WNT16: variants seen among roughly 807,000 people sequenced by gnomAD.
WNT16 encodes the protein protein Wnt-16.
In WNT16, 20 loss-of-function variants were observed where a neutral mutation model predicts 35.4. The ratio of observed to expected loss-of-function variants is 0.56; its 90% CI spans 0.40 to 0.82. The LOEUF is 0.82. Ranked by LOEUF, WNT16 falls within the 40% of genes least tolerant of loss-of-function variation. WNT16 has a pLI of 0.00. For synonymous variants in WNT16, 180 were observed against 179.2 expected (o/e 1.00, Z -0.03); for missense variants, 461 against 466.0 (o/e 0.99, Z 0.10).
upstream of WNT16, chr7:121,325,401 G>A (rs780295870): frequency 6.2e-7 from 1 of 1,600,170 alleles, no homozygotes; most frequent in Non-Finnish European, 8.5e-7. Context: ...AAGCCAGAAA[G>A]ATGGAAAGGC....
rs116194910 is a variant in WNT16, at chr7:121,329,732, C to T, written c.261C>T (p.His87=). ...AGGAGTGCGGGAGCCAGTTCAGACA[C>T]GAGAGATGGAACTGCATGATCACCG... The part of the protein sequence containing the change: ...GIQECGSQFR[H]ERWNCMITAA... Residue 87 remains histidine (H), a synonymous_variant, in exon 2 of 4, where the codon CAC becomes CAT. Transcript: ENST00000222462. The T allele has an allele frequency of 3.7e-6, 6 of 1,612,166 alleles. No homozygotes were observed. Among genetic ancestry groups the T allele is most frequent in the African/African-American group, 2.7e-5 (2 of 75,062 alleles).
upstream of WNT16, among the ~76,000 whole-genome samples, chr7:121,325,877 C>T (rs1425849379): frequency 6.6e-6 from 1 of 151,458 alleles, no homozygotes; most frequent in Non-Finnish European, 1.5e-5. Flanking sequence ...CCTGTCTCTA[C>T]ACAAAATAAA....
rs142047789 is a variant in WNT16, at chr7:121,330,578, A to C, written c.346+761A>C. 2.9e-3 allele frequency among the ~76,000 whole-genome samples: 441 copies of C among 152,070 alleles called. 4 individuals are homozygous for C. The highest frequency in any genetic ancestry group is 9.6e-3 in the African/African-American group (398 of 41,474). On this transcript the variant is annotated intron_variant, in intron 2 of 3. Coordinates refer to ENST00000222462, the MANE Select transcript of WNT16 (RefSeq NM_057168.2). ...GCTGAAGGATGCGCTGTCGTTTTTC[A>C]TGTTCATTTCCGTTCCCCCTCCGCC...
chr7:121,327,419 C>T (rs1471131713), upstream of WNT16, among the ~76,000 whole-genome samples: 2 of 142,016 alleles, frequency 1.4e-5, no homozygotes, highest in Non-Finnish European at 3.0e-5. Context: ...GGCGCTATCT[C>T]AACTCACTGC....
upstream of WNT16, chr7:121,328,964 A>G: frequency 9.8e-7 from 1 of 1,015,996 alleles, no homozygotes; most frequent in Non-Finnish European, 1.2e-6. Flanking sequence ...AGGAGATGGG[A>G]GGAGAGGCCG....
chr7:121,325,464 C>T (rs763856555), upstream of WNT16: 1 of 1,613,534 alleles, frequency 6.2e-7, no homozygotes, highest in South Asian at 1.1e-5. Context: ...AGGGGCTTCT[C>T]AAAAGACCTC....
chr7:121,327,132 A>T (rs906528101), upstream of WNT16, among the ~76,000 whole-genome samples: 1 of 152,210 alleles, frequency 6.6e-6, no homozygotes, highest in African/African-American at 2.4e-5. Flanking sequence ...CAGAGAGGCC[A>T]CTAGCCGTTA....
At chr7:121,338,302 T>G (rs1002724951) in intron 3 of WNT16, among the ~76,000 whole-genome samples, 3 of 152,218 alleles carry the variant, frequency 2.0e-5, no homozygotes, top group African/African-American at 7.2e-5. Flanking sequence ...ATTGGTTATT[T>G]GTAAAGTTCC....
chr7:121,331,315 A>G lies in WNT16; in HGVS notation c.347-363A>G, dbSNP rs576395459. 3.3e-5 allele frequency among the ~76,000 whole-genome samples: 5 copies of G among 152,342 alleles called. No individual in the cohort carries two copies. The South Asian group carries it at 1.0e-3, about 32-fold the overall frequency. Reference sequence around the variant, plus strand: ...TGGGTGTTGTATTACCGTTTACAGTATCTATGCAAAGAATTTTTAATTCAG... The same window carrying G: ...TGGGTGTTGTATTACCGTTTACAGTGTCTATGCAAAGAATTTTTAATTCAG... On this transcript the variant is annotated intron_variant, in intron 2 of 3. Coordinates refer to ENST00000222462, the MANE Select transcript of WNT16 (RefSeq NM_057168.2).
chr7:121,338,962 A>G lies in WNT16; in HGVS notation c.715A>G (p.Met239Val), dbSNP rs1428496364. Reference sequence around the variant, plus strand: ...TGCTGTGAAAACATGCTGGAAAACCATGTCTTCTTTTGAAAAGATTGGCCA... The same window carrying G: ...TGCTGTGAAAACATGCTGGAAAACCGTGTCTTCTTTTGAAAAGATTGGCCA... ...SCAVKTCWKT[M>V]SSFEKIGHLL... Residue 239 changes from methionine (M) to valine (V), a missense_variant, in exon 4 of 4, where the codon ATG (methionine) becomes GTG (valine). Physicochemically the swap from Met to Val is conservative, Grantham distance 21. Transcript: ENST00000222462. The G allele has an allele frequency of 2.5e-6, 4 of 1,614,180 alleles. No individual in the cohort carries two copies. The South Asian group carries it at 4.4e-5, about 18-fold the overall frequency.
At chr7:121,335,254 T>A (rs1793422276) in intron 3 of WNT16, among the ~76,000 whole-genome samples, 1 of 152,078 alleles carries the variant, frequency 6.6e-6, no homozygotes, top group Non-Finnish European at 1.5e-5. Context: ...CCACATTACC[T>A]CTGAGTCAAA....
rs775372692 is a variant in WNT16, at chr7:121,331,664, TA to T, written c.347-13del. On this transcript the variant is annotated splice_polypyrimidine_tract_variant and intron_variant, in intron 2 of 3. Coordinates refer to ENST00000222462, the MANE Select transcript of WNT16 (RefSeq NM_057168.2). ...TGCCTGGTTCTCTAATTTAGCAATT[TA>T]TATTTTTTCTAGGCACCAAAGAGAC... The T allele has an allele frequency of 9.4e-6, 15 of 1,597,218 alleles. No homozygotes were observed. The South Asian group carries it at 1.7e-4, about 18-fold the overall frequency.
chr7:121,337,922 C>T (rs575532369), intron 3 of WNT16, among the ~76,000 whole-genome samples: 1 of 152,286 alleles, frequency 6.6e-6, no homozygotes, highest in Admixed American at 6.5e-5. Flanking sequence ...TTTGTATTTT[C>T]CATGCTAGGA....
intron 3 of WNT16, 124 bp downstream of exon 3, chr7:121,332,088 C>A: frequency 1.8e-6 from 2 of 1,134,740 alleles, no homozygotes; most frequent in Non-Finnish European, 2.5e-6. Context: ...CAAGTGGGAT[C>A]CTGAAAATTA....
chr7:121,331,040 C>T (rs1669848107), intron 2 of WNT16, among the ~76,000 whole-genome samples: 1 of 152,148 alleles, frequency 6.6e-6, no homozygotes, highest in Admixed American at 6.5e-5. Flanking sequence ...TCTTACCTTT[C>T]ATTGCCTTTA....
At chr7:121,330,424 C>T (rs1379036824) in intron 2 of WNT16, among the ~76,000 whole-genome samples, 1 of 152,268 alleles carries the variant, frequency 6.6e-6, no homozygotes, top group African/African-American at 2.4e-5. Flanking sequence ...CGCACTCCCG[C>T]GGCGCGGGAA....
At chr7:121,338,760 C>G in intron 3 of WNT16, 121 bp from the exon 4 acceptor site, 1 of 861,282 alleles carries the variant, frequency 1.2e-6, no homozygotes, top group Non-Finnish European at 1.8e-6. Flanking sequence ...ACGTTCAAAA[C>G]CATCATTTTT....
rs1347545412 is a variant in WNT16 at position 121,340,381 on chromosome 7, TA to T, written c.*1039del. 1.3e-5 allele frequency: 2 copies of T among 152,106 alleles called. No homozygotes were observed. The allele number at this position is 152,106 out of a possible 1,614,324, so 9.4% of individuals were successfully genotyped here. A position where few individuals can be genotyped will look rare whatever the true frequency, so the allele number is the denominator to read the frequency against. On this transcript the variant is annotated 3_prime_UTR_variant, in exon 4 of 4. Transcript: ENST00000222462. Reference sequence around the variant, plus strand: ...GAGCTAAGGCAGTAAAATTATCTCATAAATAATATTAGCTTATTTTTTTTCA... The same window carrying T: ...GAGCTAAGGCAGTAAAATTATCTCATAATAATATTAGCTTATTTTTTTTCA...
chr7:121,330,600 C>A (rs1425699958), intron 2 of WNT16, among the ~76,000 whole-genome samples: 2 of 151,992 alleles, frequency 1.3e-5, no homozygotes, highest in Non-Finnish European at 2.9e-5. Flanking sequence ...GTTCCCCCTC[C>A]GCCTTTGACC....
Sources: allele counts gnomAD v4.1 joint callset (sites outside exome capture counted in the v4.1 genomes callset), GRCh38; gene constraint gnomAD v4.1.1; transcripts MANE v1.5; gene names NCBI Gene and HGNC (gene_info 2026-07-23, HGNC 2026-07-21).